Variants in DLGAP2 observed in about 807,000 individuals in gnomAD.
The protein encoded by DLGAP2 is DLG associated protein 2.
Under a neutral mutation model 100.3 loss-of-function variants are expected in DLGAP2, and 26 were observed. That is an observed-to-expected ratio of 0.26 (90% confidence interval 0.19 to 0.36). The LOEUF (loss-of-function observed/expected upper bound fraction) is 0.36, where lower values mean the gene tolerates loss of function less well. Ranked by LOEUF, DLGAP2 falls within the 10% of genes least tolerant of loss-of-function variation. DLGAP2 has a pLI of 1.00. For synonymous variants in DLGAP2, 886 were observed against 630.1 expected (o/e 1.41, Z -6.08); for missense variants, 1,858 against 1,453.2 (o/e 1.28, Z -4.53).
intron 3 of DLGAP2, among the ~76,000 whole-genome samples, chr8:1,275,146 C>G (rs1460322069): frequency 6.6e-6 from 1 of 152,160 alleles, no homozygotes; most frequent in African/African-American, 2.4e-5. Flanking sequence ...CAGTGCCTCC[C>G]TGAGTTACAC....
intron 6 of DLGAP2, among the ~76,000 whole-genome samples, chr8:1,598,679 T>C (rs1473526601): frequency 1.3e-5 from 2 of 152,224 alleles, no homozygotes; most frequent in Non-Finnish European, 2.9e-5. Flanking sequence ...TCTCTGATTG[T>C]AGTTTGTATT....
chr8:1,423,384 G>A (rs1797153744), intron 3 of DLGAP2, among the ~76,000 whole-genome samples: 1 of 152,114 alleles, frequency 6.6e-6, no homozygotes, highest in African/African-American at 2.4e-5. Flanking sequence ...CTCTGGGAGG[G>A]GTCTGGACTG....
chr8:936,556 A>G (rs1799076068), intron 2 of DLGAP2, among the ~76,000 whole-genome samples: 1 of 152,100 alleles, frequency 6.6e-6, no homozygotes, highest in African/African-American at 2.4e-5. Flanking sequence ...TGAAGGAAAC[A>G]CACTTAGACA....
At chr8:1,302,623 C>G (rs80256665) in intron 3 of DLGAP2, 2 of 149,402 alleles carry the variant, frequency 1.3e-5, no homozygotes, top group Non-Finnish European at 3.0e-5. Flanking sequence ...GTTCCCGAGC[C>G]CTGCTCCATA....
intron 3 of DLGAP2, among the ~76,000 whole-genome samples, chr8:1,272,778 A>G (rs1799609117): frequency 6.6e-6 from 1 of 152,042 alleles, no homozygotes; most frequent in Admixed American, 6.6e-5. Context: ...CATGCAACAG[A>G]CGGCTCTCTA....
At chr8:1,199,359 C>T (rs569571956) in intron 2 of DLGAP2, among the ~76,000 whole-genome samples, 2 of 152,160 alleles carry the variant, frequency 1.3e-5, no homozygotes, top group African/African-American at 2.4e-5. Context: ...GTAGCAGTTT[C>T]TTTTTTGCAT....
In DLGAP2 at chr8:1,251,810, G is replaced by T. The variant is rs545176931; in HGVS notation, c.74-7041G>T. Among the ~76,000 whole-genome samples the T allele has an allele frequency of 3.9e-5, 6 of 152,248 alleles. No homozygotes were observed. In the South Asian group the frequency reaches 1.0e-3, roughly 26 times the overall value. On this transcript the variant is annotated intron_variant, in intron 2 of 14. Coordinates refer to ENST00000637795, the MANE Select transcript of DLGAP2 (RefSeq NM_001346810.2). Reference sequence around the variant, plus strand: ...TGTCCCACAGTCACGTCACGTCATCGCACTGTTGCACGGCCATGTCCTGTA... The same window carrying T: ...TGTCCCACAGTCACGTCACGTCATCTCACTGTTGCACGGCCATGTCCTGTA...
intron 3 of DLGAP2, among the ~76,000 whole-genome samples, chr8:1,288,368 C>A (rs1181823975): frequency 1.6e-5 from 2 of 124,504 alleles, no homozygotes; most frequent in Non-Finnish European, 3.2e-5. Flanking sequence ...AGGAGGGGAA[C>A]TTGTTTTGGT....
chr8:1,184,833 G>A (rs368599818), intron 2 of DLGAP2, among the ~76,000 whole-genome samples: 6 of 152,172 alleles, frequency 3.9e-5, no homozygotes, highest in East Asian at 1.9e-4. Context: ...CACGTTGCAC[G>A]CCTTGGCCTT....
intron 6 of DLGAP2, among the ~76,000 whole-genome samples, chr8:1,619,534 C>G (rs1392934981): frequency 6.6e-6 from 1 of 152,094 alleles, no homozygotes; most frequent in African/African-American, 2.4e-5. Context: ...AAAATTTAAA[C>G]AGTTGAAATA....
intron 2 of DLGAP2, among the ~76,000 whole-genome samples, chr8:1,216,606 G>A (rs769340967): frequency 3.3e-5 from 5 of 151,984 alleles, no homozygotes; most frequent in Non-Finnish European, 5.9e-5. Context: ...AAAGTGCTGA[G>A]ATTACAGGCA....
chr8:1,105,974 T>C (rs1332579255), intron 2 of DLGAP2, among the ~76,000 whole-genome samples: 2 of 148,284 alleles, frequency 1.3e-5, no homozygotes, highest in Non-Finnish European at 3.0e-5. Context: ...GAGGGTTTTC[T>C]ATTGAAGGAG....
intron 1 of DLGAP2, among the ~76,000 whole-genome samples, chr8:775,235 T>G (rs1223195983): frequency 6.6e-6 from 1 of 152,082 alleles, no homozygotes; most frequent in Non-Finnish European, 1.5e-5. Context: ...CTTATCAGCT[T>G]AAGGAGATTT....
At chr8:1,362,400 G>A (rs890352784) in intron 3 of DLGAP2, among the ~76,000 whole-genome samples, 34 of 141,614 alleles carry the variant, frequency 2.4e-4, no homozygotes, top group South Asian at 2.2e-4. Flanking sequence ...TGTCCCATGC[G>A]GACAGCAGTC....
chr8:1,163,968 T>A (rs1305926226), intron 2 of DLGAP2, among the ~76,000 whole-genome samples: 2 of 152,206 alleles, frequency 1.3e-5, no homozygotes, highest in Non-Finnish European at 2.9e-5. Flanking sequence ...CCAGGCCTCC[T>A]AGACGAGAGC....
At chr8:797,583 G>A (rs1796062082) in intron 1 of DLGAP2, among the ~76,000 whole-genome samples, 1 of 152,078 alleles carries the variant, frequency 6.6e-6, no homozygotes, top group Non-Finnish European at 1.5e-5. Context: ...GGAACTGCTG[G>A]CCATAGATGT....
At chr8:861,750 C>T (rs12155843) in intron 1 of DLGAP2, among the ~76,000 whole-genome samples, 46,862 of 152,052 alleles carry the variant, frequency 0.31, 7,948 homozygotes, top group Non-Finnish European at 0.39. Flanking sequence ...GGGACAGCAG[C>T]GTTGACGCGC....
chr8:831,369 C>T (rs1796779811), intron 1 of DLGAP2, among the ~76,000 whole-genome samples: 1 of 152,008 alleles, frequency 6.6e-6, no homozygotes, highest in Non-Finnish European at 1.5e-5. Flanking sequence ...TACCCCAGCC[C>T]CCCATCCCGC....
intron 2 of DLGAP2, among the ~76,000 whole-genome samples, chr8:1,057,399 A>AT (rs1330469165): frequency 6.6e-6 from 1 of 152,244 alleles, no homozygotes; most frequent in Non-Finnish European, 1.5e-5. Flanking sequence ...TGCTGCACGT[A>AT]TTTTCCATTT....
Sources: gnomAD v4.1 joint callset for allele counts (sites outside exome capture counted in the v4.1 genomes callset) on GRCh38, gnomAD v4.1.1 for gene constraint, MANE v1.5 for transcripts, NCBI Gene and HGNC (gene_info 2026-07-23, HGNC 2026-07-21) for gene names.